Variants in WIZ observed in about 807,000 individuals in gnomAD.
WIZ encodes the protein protein Wiz.
In WIZ, 25 loss-of-function variants were observed where a neutral mutation model predicts 140.2. That is an observed-to-expected ratio of 0.18 (90% CI 0.13 to 0.25). WIZ has a LOEUF of 0.25. WIZ is among the 10% of genes least tolerant of loss of function. The pLI is 1.00. For missense variants in WIZ, 2,231 were observed against 2,632.6 expected, an observed-to-expected ratio of 0.85 and a Z score of 3.34; for synonymous variants, 1,125 against 1,154.3, an observed-to-expected ratio of 0.97 and a Z score of 0.51.
intron 5 of WIZ, among the ~76,000 whole-genome samples, chr19:15,431,875 G>A (rs1268981749): frequency 6.6e-6 from 1 of 152,228 alleles, no homozygotes; most frequent in African/African-American, 2.4e-5. Context: ...GGGAACCAAG[G>A]GTGAATTTTC....
chr19:15,427,622 G>A lies in WIZ; in HGVS notation c.3815-89C>T, dbSNP rs962595459. 2.3e-5 allele frequency: 32 copies of A among 1,406,342 alleles called. No homozygotes were observed. The highest frequency in any genetic ancestry group is 2.1e-4 in the Middle Eastern group (1 of 4,676). The allele number at this position is 1,406,342 out of a possible 1,614,324, so 87.1% of individuals were successfully genotyped here. ...GTGTCCTGGTCGGCTGGGCGTGGGC[G>A]GCAGCAGCACGCCCACAGGTTAGGG... On this transcript the variant is annotated intron_variant, in intron 8 of 12. Coordinates refer to ENST00000673675, the MANE Select transcript of WIZ (RefSeq NM_001371589.1). This position sits in a 1 kb window ranked among gnomAD's most constrained non-coding sequence, Gnocchi z 6.4.
chr19:15,436,749 A>G (rs1204336614), intron 5 of WIZ, 57 bp downstream of exon 5: 7 of 1,471,774 alleles, frequency 4.8e-6, no homozygotes, highest in East Asian at 2.6e-5. Context: ...CGCCCCTCCA[A>G]TGCTCTGGGC....
chr19:15,427,460 G>C lies in WIZ; in HGVS notation c.3888C>G (p.Leu1296=). 3.1e-6 allele frequency: 5 copies of C among 1,613,562 alleles called. No individual in the cohort carries two copies. Among genetic ancestry groups the C allele is most frequent in the Non-Finnish European group, 4.2e-6 (5 of 1,180,014 alleles). The change falls in exon 9 of 13, where the codon CTC becomes CTG. Residue 1296 remains leucine (L), a synonymous_variant. Transcript: ENST00000673675. This position sits in a 1 kb window ranked among gnomAD's most constrained non-coding sequence, Gnocchi z 6.4. ...CGEFFENRKG[L]SSHARSHLRQ... Reference sequence around the variant, plus strand: ...GCAGATGGGAGCGCGCGTGGCTCGAGAGGCCCTTGCGGTTCTCGAAGAACT... The same window carrying C: ...GCAGATGGGAGCGCGCGTGGCTCGACAGGCCCTTGCGGTTCTCGAAGAACT...
intron 6 of WIZ, among the ~76,000 whole-genome samples, 167 bp downstream of exon 6, chr19:15,430,845 G>A (rs139679392): frequency 2.0e-5 from 3 of 152,376 alleles, no homozygotes; most frequent in Non-Finnish European, 4.4e-5. Context: ...CAGGACAGTA[G>A]AAGTTCAAGA....
rs746823015 is a variant in WIZ, at chr19:15,439,163, G to A, written c.1831C>T (p.Arg611Cys). ...VHPQGLGERR[R>C]PWSEEEEEEE... ...TCCTCCTCCTCTTCGCTCCAAGGGCGCCTCCGTTCCCCCAGCCCTTGTGGG... is the reference window on the plus strand; with the variant it reads ...TCCTCCTCCTCTTCGCTCCAAGGGCACCTCCGTTCCCCCAGCCCTTGTGGG... Residue 611 changes from arginine (R) to cysteine (C), a missense_variant, in exon 4 of 13, where the codon CGC becomes TGC. By Grantham distance (180) the Arg-to-Cys change is radical. This residue lies in a region of WIZ where 475 missense variants were observed against 520.2 expected (regional missense o/e 0.91). Transcript: ENST00000673675. This position sits in a 1 kb window ranked among gnomAD's most constrained non-coding sequence, Gnocchi z 7.0. 83 of 1,531,072 alleles carry A rather than the reference G, an allele frequency of 5.4e-5. No homozygotes were observed. The highest frequency in any genetic ancestry group is 1.1e-4 in the African/African-American group (8 of 72,910). The allele number at this position is 1,531,072 out of a possible 1,614,324, so 94.8% of individuals were successfully genotyped here. A position where few individuals can be genotyped will look rare whatever the true frequency, so the allele number is the denominator to read the frequency against.
Position 15,442,693 on chromosome 19 carries a change from G to C in WIZ, c.261C>G (p.Thr87=). 1 of 1,232,524 alleles carries C rather than the reference G, an allele frequency of 8.1e-7. No individual in the cohort carries two copies. The highest frequency in any genetic ancestry group is 1.0e-6 in the Non-Finnish European group (1 of 988,280). The allele number at this position is 1,232,524 out of a possible 1,614,324, so 76.3% of individuals were successfully genotyped here. A position where few individuals can be genotyped will look rare whatever the true frequency, so the allele number is the denominator to read the frequency against. The change falls in exon 3 of 13, where the codon ACC becomes ACG. Residue 87 remains threonine, a synonymous_variant. Coordinates refer to ENST00000673675, the MANE Select transcript of WIZ (RefSeq NM_001371589.1). This position sits in a 1 kb window ranked among gnomAD's most constrained non-coding sequence, Gnocchi z 5.5. The stretch of plus-strand genomic sequence containing the variant: ...GCACTCACCAGCTGCTGATCCGATG[G>C]GTGGCGGAGGTGACACGGGGGAGGG... ...SEALPRVTSA[T]HRISSCCWDG...
intron 5 of WIZ, chr19:15,433,139 T>C: frequency 1.5e-6 from 1 of 670,806 alleles, no homozygotes; most frequent in Non-Finnish European, 1.8e-6. Context: ...AGTCTCCATC[T>C]CCGAGTCGGG....
At position 15,449,051 on chromosome 19, in the gene WIZ, C is replaced by A. The variant is rs1041175819; in HGVS notation, c.-60-684G>T. On this transcript the variant is annotated intron_variant, in intron 1 of 12. Transcript: ENST00000673675. ...CATACCCAGCTTGGGCTCCTCCATT[C>A]CCCCCACCCCCCAACCAAGATTGCT... Among the ~76,000 whole-genome samples the A allele has an allele frequency of 3.3e-5, 5 of 152,048 alleles. No homozygotes were observed. The East Asian group carries it at 5.8e-4, about 18-fold the overall frequency.
rs1222692583 is a variant in WIZ, at chr19:15,440,811, C to T, written c.279-96G>A. The T allele has an allele frequency of 2.4e-6, 3 of 1,270,832 alleles. No homozygotes were observed. The highest frequency in any genetic ancestry group is 2.9e-5 in the Admixed American group (1 of 34,856). 78.7% of individuals were successfully genotyped at this position (1,270,832 alleles called of 1,614,324 possible). Reference sequence around the variant, plus strand: ...GTCCTCCCAGGCCGTTTGAAGCAGGCCCCGGAGATCCAGCCCGAGGGTGAC... The same window carrying T: ...GTCCTCCCAGGCCGTTTGAAGCAGGTCCCGGAGATCCAGCCCGAGGGTGAC... On this transcript the variant is annotated intron_variant, in intron 3 of 12. Transcript: ENST00000673675. The surrounding 1 kb of genome is among the most constrained non-coding windows in gnomAD (Gnocchi z 6.2).
In WIZ at chr19:15,424,558, G is replaced by A; in HGVS notation, c.5314+55C>T. The A allele has an allele frequency of 1.3e-6, 2 of 1,540,614 alleles. No homozygotes were observed. The highest frequency in any genetic ancestry group is 1.4e-5 in the African/African-American group (1 of 72,746). On this transcript the variant is annotated intron_variant, in intron 11 of 12. Coordinates refer to ENST00000673675, the MANE Select transcript of WIZ (RefSeq NM_001371589.1). The surrounding 1 kb of genome is among the most constrained non-coding windows in gnomAD (Gnocchi z 9.7). Reference sequence around the variant, plus strand: ...CAGCAGAGCGCCTGGGGAGTGGCTGGGTGGGCCTGACAGGTGCCCGCTGCG... The same window carrying A: ...CAGCAGAGCGCCTGGGGAGTGGCTGAGTGGGCCTGACAGGTGCCCGCTGCG...
In WIZ at chr19:15,427,380, C is replaced by T. The variant is rs267605315; in HGVS notation, c.3968G>A (p.Arg1323Gln). ...YVNGSPIDTLREILKRRTQSR... is the reference protein window; with the variant it reads ...YVNGSPIDTLQEILKRRTQSR... ...CTGGGTCCGTCTCTTCAGGATCTCCCGCAGCGTGTCGATGGGCGAGCCATT... is the reference window on the plus strand; with the variant it reads ...CTGGGTCCGTCTCTTCAGGATCTCCTGCAGCGTGTCGATGGGCGAGCCATT... The change falls in exon 9 of 13, where the codon CGG becomes CAG. Residue 1323 changes from arginine (R) to glutamine (Q), a missense_variant. Arg to Gln is a conservative substitution (Grantham distance 43). Coordinates refer to ENST00000673675, the MANE Select transcript of WIZ (RefSeq NM_001371589.1). This position sits in a 1 kb window ranked among gnomAD's most constrained non-coding sequence, Gnocchi z 6.4. 1.3e-5 allele frequency: 21 copies of T among 1,613,430 alleles called. No homozygotes were observed. Among genetic ancestry groups the T allele is most frequent in the Middle Eastern group, 1.6e-4 (1 of 6,080 alleles).
At chr19:15,423,675 T>C (rs1423823854) in intron 12 of WIZ, among the ~76,000 whole-genome samples, 1 of 152,232 alleles carries the variant, frequency 6.6e-6, no homozygotes, top group East Asian at 1.9e-4. Context: ...GCTTTGACTC[T>C]GACTTCTGAC....
rs1968485164 is a variant in WIZ at position 15,423,209 on chromosome 19, G to A, written c.5537C>T (p.Pro1846Leu). 1 of 1,613,624 alleles carries A rather than the reference G, an allele frequency of 6.2e-7. No individual in the cohort carries two copies. Among genetic ancestry groups the A allele is most frequent in the African/African-American group, 1.3e-5 (1 of 74,898 alleles). Residue 1846 changes from proline (P) to leucine (L), a missense_variant, in exon 13 of 13, where the codon CCC becomes CTC. Around this residue, in one of 15 missense-constraint regions of WIZ, gnomAD observed 299 missense variants for 309.6 expected, o/e 0.97. Coordinates refer to ENST00000673675, the MANE Select transcript of WIZ (RefSeq NM_001371589.1). ...CRFCEVEFQG[P>L]LSIQEEWVRH... ...CACCCACTCTTCCTGGATGGAGAGG[G>A]GGCCCTGGAATTCCACCTCACAGAA... is the stretch of plus-strand genomic sequence containing the variant.
chr19:15,442,210 G>A lies in WIZ; in HGVS notation c.278+466C>T, dbSNP rs972884117. On this transcript the variant is annotated intron_variant, in intron 3 of 12. Coordinates refer to ENST00000673675, the MANE Select transcript of WIZ (RefSeq NM_001371589.1). This position sits in a 1 kb window ranked among gnomAD's most constrained non-coding sequence, Gnocchi z 5.5. ...AAAAAAAAAAAAAAAAGATGACTAT[G>A]ACTTATTAGCACCTGCCAAGCCATT... 3.3e-5 allele frequency among the ~76,000 whole-genome samples: 5 copies of A among 151,106 alleles called. No individual in the cohort carries two copies. Among genetic ancestry groups the A allele is most frequent in the Admixed American group, 3.3e-4 (5 of 15,194 alleles).
At position 15,439,652 on chromosome 19, in the gene WIZ, C is replaced by T; in HGVS notation, c.1342G>A (p.Glu448Lys). The change falls in exon 4 of 13, where the codon GAG becomes AAG. Residue 448 changes from glutamate (E) to lysine (K), a missense_variant. Glu to Lys is a moderately conservative substitution (Grantham distance 56, BLOSUM62 1). Transcript: ENST00000673675. This position sits in a 1 kb window ranked among gnomAD's most constrained non-coding sequence, Gnocchi z 7.0. ...GSSGAGSPSP[E>K]ASALLYQPYG... ...GGCTGATAGAGGAGGGCGCTGGCCTCAGGGCTGGGGCTGCCAGCCCCGCTG... is the reference window on the plus strand; with the variant it reads ...GGCTGATAGAGGAGGGCGCTGGCCTTAGGGCTGGGGCTGCCAGCCCCGCTG... 1 of 1,498,500 alleles carries T rather than the reference C, an allele frequency of 6.7e-7. No individual in the cohort carries two copies. The highest frequency in any genetic ancestry group is 8.8e-7 in the Non-Finnish European group (1 of 1,130,140). The allele number at this position is 1,498,500 out of a possible 1,614,324, so 92.8% of individuals were successfully genotyped here. A position where few individuals can be genotyped will look rare whatever the true frequency, so the allele number is the denominator to read the frequency against.
In WIZ at chr19:15,422,698, G is replaced by T. The variant is rs1348381225; in HGVS notation, c.*378C>A. The T allele has an allele frequency of 7.2e-6, 2 of 275,994 alleles. No homozygotes were observed. The highest frequency in any genetic ancestry group is 4.9e-5 in the Admixed American group (1 of 20,296). The allele number at this position is 275,994 out of a possible 1,614,324, so 17.1% of individuals were successfully genotyped here. A position where few individuals can be genotyped will look rare whatever the true frequency, so the allele number is the denominator to read the frequency against. ...TATTCATGGGGGAGAGAGGGAACCAGAACAGGGGTCTTTGGGGTCTTTGCA... is the reference window on the plus strand; with the variant it reads ...TATTCATGGGGGAGAGAGGGAACCATAACAGGGGTCTTTGGGGTCTTTGCA... On this transcript the variant is annotated 3_prime_UTR_variant, in exon 13 of 13. Transcript: ENST00000673675.
At chr19:15,449,071 A>G (rs1970019586) in intron 1 of WIZ, among the ~76,000 whole-genome samples, 1 of 151,390 alleles carries the variant, frequency 6.6e-6, no homozygotes, top group Admixed American at 6.6e-5. Context: ...CCCAACCAAG[A>G]TTGCTCTAGT....
At position 15,429,865 on chromosome 19, in the gene WIZ, C is replaced by A; in HGVS notation, c.3136G>T (p.Val1046Leu). The A allele has an allele frequency of 6.5e-7, 1 of 1,532,506 alleles. No individual in the cohort carries two copies. 94.9% of individuals were successfully genotyped at this position (1,532,506 alleles called of 1,614,324 possible). A position where few individuals can be genotyped will look rare whatever the true frequency, so the allele number is the denominator to read the frequency against. The change falls in exon 7 of 13, where the codon GTG (valine) becomes TTG (leucine). Residue 1046 changes from valine to leucine, a missense_variant. Val to Leu is a conservative substitution (Grantham distance 32). Transcript: ENST00000673675. The stretch of plus-strand genomic sequence containing the variant: ...CCGGGCCGGGGGGCCCCGGCGACCA[C>A]CTCCTTCAGTGAGCTGGACTTCTTA... ...LAKKSSSLKE[V>L]VAGAPRPGLL... is the part of the protein sequence containing the mutation.
In WIZ at chr19:15,442,710, G is replaced by A. The variant is rs1185246881; in HGVS notation, c.244C>T (p.Arg82Cys). ...PHPGLSEALP[R>C]VTSATHRISS... ...ATCCGATGGGTGGCGGAGGTGACAC[G>A]GGGGAGGGCTTCGCTGAGGCCGGGA... The change falls in exon 3 of 13, where the codon CGT (arginine) becomes TGT (cysteine). Residue 82 changes from arginine to cysteine, a missense_variant. Transcript: ENST00000673675. The surrounding 1 kb of genome is among the most constrained non-coding windows in gnomAD (Gnocchi z 5.5). The A allele has an allele frequency of 1.7e-5, 21 of 1,232,328 alleles. No individual in the cohort carries two copies. The South Asian group carries it at 4.9e-4, about 29-fold the overall frequency. 76.3% of individuals were successfully genotyped at this position (1,232,328 alleles called of 1,614,324 possible).
Sources: allele counts gnomAD v4.1 joint callset (sites outside exome capture counted in the v4.1 genomes callset), GRCh38; gene constraint gnomAD v4.1.1; regional missense constraint gnomAD v4.1.1; non-coding constraint Gnocchi (gnomAD v3.1); transcripts MANE v1.5; gene names NCBI Gene and HGNC (gene_info 2026-07-23, HGNC 2026-07-21).